ZNF25: variants seen among roughly 807,000 people sequenced by gnomAD.
ZNF25 encodes zinc finger protein 25 (KOX 19).
In ZNF25, 21 loss-of-function variants were observed where a neutral mutation model predicts 30.9. The ratio of observed to expected loss-of-function variants is 0.68; its 90% CI spans 0.48 to 0.98. The LOEUF is 0.98. Among genes scored for constraint, ZNF25 ranks in the 50% least tolerant of loss-of-function variants. The probability of loss-of-function intolerance (pLI) is 0.00; values close to 1 mark genes in which losing one functional copy is unlikely to be tolerated. For missense variants in ZNF25, 501 were observed against 529.9 expected (o/e 0.95, Z 0.54); for synonymous variants, 169 against 181.3 (o/e 0.93, Z 0.55).
At chr10:37,971,662 C>A (rs1487957279) in intron 2 of ZNF25, 46 bp downstream of exon 2, 2 of 1,611,052 alleles carry the variant, frequency 1.2e-6, no homozygotes, top group South Asian at 1.1e-5. Flanking sequence ...CACACACACA[C>A]ACACACACAC....
rs201284592 is a variant in ZNF25, at chr10:37,952,137, G to A, written c.1361C>T (p.Ala454Val). Residue 454 changes from alanine to valine, a missense_variant, in exon 6 of 6, where the codon GCT becomes GTT. Physicochemically the swap from Ala to Val is moderately conservative, Grantham distance 64. Transcript: ENST00000302609. ...HQKTHTKKRN[A>V]EK Reference sequence around the variant, plus strand: ...ATTTCCCAACTCATCTTACTTCTCAGCATTCCTCTTCTTTGTGTGTGTCTT... The same window carrying A: ...ATTTCCCAACTCATCTTACTTCTCAACATTCCTCTTCTTTGTGTGTGTCTT... 10 of 1,561,300 alleles carry A rather than the reference G, an allele frequency of 6.4e-6. No individual in the cohort carries two copies. In the Middle Eastern group the frequency reaches 8.6e-4, roughly 134 times the overall value.
rs749880667 is a variant in ZNF25, at chr10:37,952,468, ATTCAAAGGGT to A, written c.1020_1029del (p.Lys340AsnfsTer39). The A allele has an allele frequency of 2.0e-4, 327 of 1,614,046 alleles. 1 individual carries two copies. In the South Asian group the frequency reaches 2.7e-3, roughly 13 times the overall value. On this transcript the variant is annotated frameshift_variant, in exon 6 of 6. Coordinates refer to ENST00000302609, the MANE Select transcript of ZNF25 (RefSeq NM_145011.4). LOFTEE classifies it high-confidence loss of function. ...TAAAATGTTTTCCCACATTTATTACATTCAAAGGGTTTCTCCCCTGTGTGAGTTCGCTGAT... is the reference window on the plus strand; with the variant it reads ...TAAAATGTTTTCCCACATTTATTACATTCTCCCCTGTGTGAGTTCGCTGAT...
rs776333162 is a variant in ZNF25 at position 37,952,461 on chromosome 10, T to G, written c.1037A>C (p.Lys346Thr). The G allele has an allele frequency of 2.5e-6, 4 of 1,614,110 alleles. No homozygotes were observed. The Admixed American group carries it at 6.7e-5, about 27-fold the overall frequency. Residue 346 changes from lysine to threonine, a missense_variant, in exon 6 of 6, where the codon AAA (lysine) becomes ACA (threonine). Physicochemically the swap from Lys to Thr is moderately conservative, Grantham distance 78 (BLOSUM62 -1). Transcript: ENST00000302609. Reference sequence around the variant, plus strand: ...TTTATAGTAAAATGTTTTCCCACATTTATTACATTCAAAGGGTTTCTCCCC... The same window carrying G: ...TTTATAGTAAAATGTTTTCCCACATGTATTACATTCAAAGGGTTTCTCCCC... ...HTGEKPFECN[K>T]CGKTFYYKSD...
chr10:37,956,242 C>T (rs961216752), intron 4 of ZNF25, among the ~76,000 whole-genome samples: 32 of 152,070 alleles, frequency 2.1e-4, no homozygotes, highest in African/African-American at 7.7e-4. Flanking sequence ...GAGCAGCATA[C>T]CGATTTTTAA....
rs1290883884 is a variant in ZNF25 at position 37,952,884 on chromosome 10, T to G, written c.614A>C (p.Asn205Thr). 1.2e-6 allele frequency: 2 copies of G among 1,614,194 alleles called. No homozygotes were observed. ...CTGGTAGAAGGATTTTTCACACTGA[T>G]TACATTCATAGGGTTTCTCTCCTGC... ...THAGEKPYECNQCEKSFYQKP... is the reference protein window; with the variant it reads ...THAGEKPYECTQCEKSFYQKP... The change falls in exon 6 of 6, where the codon AAT becomes ACT. Residue 205 changes from asparagine (N) to threonine (T), a missense_variant. Transcript: ENST00000302609.
intron 2 of ZNF25, among the ~76,000 whole-genome samples, chr10:37,958,795 C>T (rs2062684002): frequency 6.6e-6 from 1 of 152,058 alleles, no homozygotes; most frequent in African/African-American, 2.4e-5. Context: ...CGCCTGTAAT[C>T]CCACCACTTT....
Position 37,952,946 on chromosome 10 carries a change from G to GT in ZNF25, c.551dup (p.Tyr184Ter). ...YECKECKKIF[Y>*]HLSSLSRHLR... ...GATGTCTACTGAGAGATGATAGGTG[G>GT]TAAAATATTTTCTTACATTCTTTAC... The change falls in exon 6 of 6, where the codon TAC becomes TAAC. Residue 184 changes from tyrosine to a stop codon, truncating the protein, a stop_gained and frameshift_variant. Transcript: ENST00000302609. LOFTEE classifies it high-confidence loss of function. The GT allele has an allele frequency of 6.2e-7, 1 of 1,614,156 alleles. No homozygotes were observed. The highest frequency in any genetic ancestry group is 1.3e-5 in the African/African-American group (1 of 75,044).
intron 1 of ZNF25, among the ~76,000 whole-genome samples, chr10:37,974,143 G>A (rs192300661): frequency 1.3e-5 from 2 of 152,292 alleles, no homozygotes; most frequent in Admixed American, 6.5e-5. Flanking sequence ...GGATTAAAGA[G>A]TTAAATGTAT....
chr10:37,964,247 AG>A (rs1313111497), intron 2 of ZNF25, among the ~76,000 whole-genome samples: 4 of 152,326 alleles, frequency 2.6e-5, no homozygotes, highest in South Asian at 4.2e-4. Context: ...AACACAAAAT[AG>A]GTACTGAGGA....
rs1468701384 is a variant in ZNF25, at chr10:37,953,115, CAGA to C, written c.380_382del (p.Phe127del). ...ATGTACTATGAGGGCAGACTTCTGG[CAGA>C]AGAACTTCCCACATTCCTTACATTC... On this transcript the variant is annotated inframe_deletion, in exon 6 of 6. Transcript: ENST00000302609. 3.1e-6 allele frequency: 5 copies of C among 1,611,390 alleles called. No individual in the cohort carries two copies. The highest frequency in any genetic ancestry group is 1.3e-5 in the African/African-American group (1 of 74,536).
At chr10:37,962,799 A>G (rs2062961525) in intron 2 of ZNF25, among the ~76,000 whole-genome samples, 1 of 152,210 alleles carries the variant, frequency 6.6e-6, no homozygotes. Flanking sequence ...CATAAATTTT[A>G]CAACTTAGAT....
chr10:37,953,322 G>A (rs2062297172), intron 5 of ZNF25, 127 bp from the exon 6 acceptor site: 1 of 827,400 alleles, frequency 1.2e-6, no homozygotes. Flanking sequence ...CATATTTACT[G>A]GATCCATAGG....
rs764496247 is a variant in ZNF25, at chr10:37,952,096, T to A, written c.*31A>T. 6 of 1,522,870 alleles carry A rather than the reference T, an allele frequency of 3.9e-6. No homozygotes were observed. Among genetic ancestry groups the A allele is most frequent in the Non-Finnish European group, 5.3e-6 (6 of 1,135,490 alleles). 94.3% of individuals were successfully genotyped at this position (1,522,870 alleles called of 1,614,324 possible). ...GAATTATCTGATTGTTTTGAAGGATTAATTCAGTCAAGAGAATTTCCCAAC... is the reference window on the plus strand; with the variant it reads ...GAATTATCTGATTGTTTTGAAGGATAAATTCAGTCAAGAGAATTTCCCAAC... On this transcript the variant is annotated 3_prime_UTR_variant, in exon 6 of 6. Coordinates refer to ENST00000302609, the MANE Select transcript of ZNF25 (RefSeq NM_145011.4).
At chr10:37,971,458 T>A (rs934131510) in intron 2 of ZNF25, among the ~76,000 whole-genome samples, 3 of 152,174 alleles carry the variant, frequency 2.0e-5, no homozygotes, top group Non-Finnish European at 2.9e-5. Context: ...ATCTTAGCAC[T>A]CTGAGTCTCA....
At chr10:37,975,624 G>C (rs1256423263) in intron 1 of ZNF25, among the ~76,000 whole-genome samples, 1 of 152,180 alleles carries the variant, frequency 6.6e-6, no homozygotes, top group Non-Finnish European at 1.5e-5. Flanking sequence ...ATGCAAAATT[G>C]AGGGCTCAAA....
At chr10:37,957,344 G>T in intron 3 of ZNF25, 76 bp downstream of exon 3, 2 of 1,530,790 alleles carry the variant, frequency 1.3e-6, no homozygotes, top group Non-Finnish European at 8.9e-7. Flanking sequence ...CAACCCTATA[G>T]GGACATTTTA....
intron 5 of ZNF25, 23 bp from the exon 6 acceptor site, chr10:37,953,218 A>G (rs41276136): frequency 1.3e-6 from 2 of 1,550,266 alleles, no homozygotes; most frequent in South Asian, 1.3e-5. Context: ...TTCCACATTC[A>G]TTAATGTGTA....
In ZNF25 at chr10:37,957,482, G is replaced by A; in HGVS notation, c.80C>T (p.Pro27Leu). ...ATCCTTATACAGAGTCCTCTGAGCA[G>A]GGGTCAGTAACTTCCATTCTTCCTT... Reference protein sequence around the residue: ...FTKEEWKLLTPAQRTLYKDVM... With the variant: ...FTKEEWKLLTLAQRTLYKDVM... The change falls in exon 3 of 6, where the codon CCT (proline) becomes CTT (leucine). Residue 27 changes from proline (P) to leucine (L), a missense_variant. By Grantham distance (98) the Pro-to-Leu change is moderately conservative (BLOSUM62 -3). Transcript: ENST00000302609. 1 of 1,613,936 alleles carries A rather than the reference G, an allele frequency of 6.2e-7. No homozygotes were observed. The highest frequency in any genetic ancestry group is 2.2e-5 in the East Asian group (1 of 44,860).
At chr10:37,975,480 A>G (rs918573328) in intron 1 of ZNF25, among the ~76,000 whole-genome samples, 3 of 152,138 alleles carry the variant, frequency 2.0e-5, no homozygotes, top group African/African-American at 7.2e-5. Context: ...AATGAGAGGC[A>G]TTATAAGATC....
Sources: allele counts gnomAD v4.1 joint callset (sites outside exome capture counted in the v4.1 genomes callset), GRCh38; gene constraint gnomAD v4.1.1; transcripts MANE v1.5; gene names NCBI Gene and HGNC (gene_info 2026-07-23, HGNC 2026-07-21).